The following GNAO1 variants were observed in gnomAD, a reference collection of about 807,000 sequenced individuals.
GNAO1 encodes guanine nucleotide-binding protein G(o) subunit alpha.
For synonymous variants in GNAO1, 164 were observed against 180.7 expected (o/e 0.91, Z 0.74); for missense variants, 166 against 478.7 (o/e 0.35, Z 6.10).
chr16:56,309,197 G>T (rs1221982973), intron 3 of GNAO1, among the ~76,000 whole-genome samples: 6 of 152,110 alleles, frequency 3.9e-5, no homozygotes, highest in African/African-American at 1.4e-4. Context: ...CTTCTACGAG[G>T]ACAGTGGCCA....
At chr16:56,319,252 G>GAC (rs1164908603) in intron 3 of GNAO1, among the ~76,000 whole-genome samples, 1 of 152,186 alleles carries the variant, frequency 6.6e-6, no homozygotes, top group African/African-American at 2.4e-5. Context: ...CCTGGGGTGT[G>GAC]AGTGGAGAAT....
intron 2 of GNAO1, among the ~76,000 whole-genome samples, chr16:56,256,710 CTCTCTCTCTGTG>C (rs1204301348): frequency 4.1e-5 from 5 of 120,530 alleles, no homozygotes; most frequent in African/African-American, 1.3e-4. Flanking sequence ...CTCTCTCTCT[CTCTCTCTCTGTG>C]TGTGTGTGTG....
At chr16:56,340,762 T>C in intron 6 of GNAO1, 4 of 1,369,178 alleles carry the variant, frequency 2.9e-6, no homozygotes, top group Non-Finnish European at 4.1e-6. Context: ...CTTGTCCCGC[T>C]GTGTCATTGG....
chr16:56,298,025 A>G (rs1450806591), intron 3 of GNAO1, among the ~76,000 whole-genome samples: 1 of 152,018 alleles, frequency 6.6e-6, no homozygotes, highest in Non-Finnish European at 1.5e-5. Context: ...ATAAAAAATT[A>G]GCCAGCCATG....
At chr16:56,320,459 A>C (rs2037559591) in intron 3 of GNAO1, among the ~76,000 whole-genome samples, 1 of 152,206 alleles carries the variant, frequency 6.6e-6, no homozygotes, top group Admixed American at 6.5e-5. Context: ...CCTCAGAAAG[A>C]TGATACCCCT....
chr16:56,230,043 A>T (rs1161401278), intron 2 of GNAO1, among the ~76,000 whole-genome samples: 2 of 152,070 alleles, frequency 1.3e-5, no homozygotes, highest in Non-Finnish European at 2.9e-5. Flanking sequence ...TATCCTTCAT[A>T]TGGTGAAACA....
chr16:56,328,914 T>C, intron 4 of GNAO1, 123 bp downstream of exon 4: 3 of 923,314 alleles, frequency 3.2e-6, no homozygotes, highest in Non-Finnish European at 5.0e-6. Flanking sequence ...CCGGGAGATG[T>C]TCTCCCATAG....
intron 3 of GNAO1, among the ~76,000 whole-genome samples, chr16:56,277,209 GC>G (rs1168279595): frequency 2.0e-5 from 3 of 152,366 alleles, no homozygotes; most frequent in East Asian, 3.9e-4. Context: ...CGGTGGAGAA[GC>G]TGGGCACTAG....
chr16:56,285,577 C>G (rs1268873547), intron 3 of GNAO1, among the ~76,000 whole-genome samples: 1 of 152,200 alleles, frequency 6.6e-6, no homozygotes, highest in African/African-American at 2.4e-5. Context: ...GAGGGGCCTG[C>G]CTGGCCAGTG....
intron 3 of GNAO1, among the ~76,000 whole-genome samples, chr16:56,278,800 G>C (rs1346512808): frequency 6.6e-6 from 1 of 152,160 alleles, no homozygotes; most frequent in Non-Finnish European, 1.5e-5. Flanking sequence ...AAGCACCCAG[G>C]CCCTGAGGGA....
intron 3 of GNAO1, among the ~76,000 whole-genome samples, chr16:56,309,731 G>A (rs1281999577): frequency 6.6e-6 from 1 of 152,206 alleles, no homozygotes; most frequent in Non-Finnish European, 1.5e-5. Context: ...GGCCAGACCC[G>A]GACCCACTGC....
At chr16:56,270,852 C>A (rs2143509229) in intron 2 of GNAO1, 1 of 152,258 alleles carries the variant, frequency 6.6e-6, no homozygotes, top group Non-Finnish European at 1.5e-5. Flanking sequence ...GACCCAGGGG[C>A]TCAAATGATG....
At chr16:56,237,430 G>A (rs772757539) in intron 2 of GNAO1, among the ~76,000 whole-genome samples, 4 of 152,126 alleles carry the variant, frequency 2.6e-5, no homozygotes, top group Non-Finnish European at 5.9e-5. Flanking sequence ...AATGCCACAG[G>A]ATGCCTGTAT....
intron 3 of GNAO1, among the ~76,000 whole-genome samples, chr16:56,290,213 C>T (rs769490119): frequency 6.6e-5 from 10 of 152,174 alleles, no homozygotes; most frequent in South Asian, 2.1e-4. Context: ...CCTGACTCTC[C>T]GAATAGGCTG....
chr16:56,260,870 G>T (rs953607249), intron 2 of GNAO1, among the ~76,000 whole-genome samples: 1 of 152,284 alleles, frequency 6.6e-6, no homozygotes, highest in South Asian at 2.1e-4. Flanking sequence ...AGGAAGACTG[G>T]CTGGGCTGGG....
intron 2 of GNAO1, among the ~76,000 whole-genome samples, chr16:56,244,994 T>G (rs1355606997): frequency 6.6e-6 from 1 of 152,208 alleles, no homozygotes; most frequent in Non-Finnish European, 1.5e-5. Context: ...CCAGTGCATT[T>G]TCTCTGGCAC....
chr16:56,262,127 G>A (rs780829834), intron 2 of GNAO1, among the ~76,000 whole-genome samples: 5 of 152,222 alleles, frequency 3.3e-5, no homozygotes, highest in East Asian at 1.9e-4. Flanking sequence ...GGAAAGTTGA[G>A]CTCCTATCTC....
chr16:56,271,749 G>C (rs570014165), intron 2 of GNAO1, among the ~76,000 whole-genome samples: 2 of 152,154 alleles, frequency 1.3e-5, no homozygotes, highest in Non-Finnish European at 2.9e-5. Flanking sequence ...CACTGCGTCC[G>C]GTGGAAAATA....
intron 2 of GNAO1, among the ~76,000 whole-genome samples, chr16:56,250,988 G>A (rs1320272283): frequency 6.6e-6 from 1 of 152,186 alleles, no homozygotes; most frequent in African/African-American, 2.4e-5. Context: ...GCAAAGAGGT[G>A]AAAGAATGAA....
Sources: gnomAD v4.1 joint callset for allele counts (sites outside exome capture counted in the v4.1 genomes callset) on GRCh38, gnomAD v4.1.1 for gene constraint, MANE v1.5 for transcripts, NCBI Gene and HGNC (gene_info 2026-07-23, HGNC 2026-07-21) for gene names.